The following JPH3 variants were observed in gnomAD, a reference collection of about 807,000 sequenced individuals.
JPH3 encodes the protein junctophilin-3.
In JPH3, 11 loss-of-function variants were observed where a neutral mutation model predicts 59.6. The observed-to-expected ratio is 0.18, with a 90% confidence interval of 0.12 to 0.31. The LOEUF is 0.31. Ranked by LOEUF, JPH3 falls within the 10% of genes least tolerant of loss-of-function variation. The pLI is 1.00. For missense variants in JPH3, 1,202 were observed against 1,105.7 expected, an observed-to-expected ratio of 1.09 and a Z score of -1.24; for synonymous variants, 673 against 483.6, an observed-to-expected ratio of 1.39 and a Z score of -5.14.
chr16:87,682,124 A>T (rs2033311504), intron 2 of JPH3, among the ~76,000 whole-genome samples: 1 of 152,158 alleles, frequency 6.6e-6, no homozygotes, highest in Admixed American at 6.5e-5. Flanking sequence ...TGGCTCTTGG[A>T]GCCCTGGTGG....
At chr16:87,650,273 A>G (rs1445627781) in intron 2 of JPH3, among the ~76,000 whole-genome samples, 2 of 152,186 alleles carry the variant, frequency 1.3e-5, no homozygotes, top group African/African-American at 4.8e-5. Flanking sequence ...TGAGGTTACT[A>G]GTGTGGTTAT....
At chr16:87,680,098 C>T (rs1394171372) in intron 2 of JPH3, among the ~76,000 whole-genome samples, 1 of 152,258 alleles carries the variant, frequency 6.6e-6, no homozygotes, top group Non-Finnish European at 1.5e-5. Flanking sequence ...CTTGCAAAGG[C>T]AGGGTTGCCT....
At chr16:87,641,402 G>C (rs2031946263) in intron 1 of JPH3, among the ~76,000 whole-genome samples, 1 of 152,204 alleles carries the variant, frequency 6.6e-6, no homozygotes, top group African/African-American at 2.4e-5. Context: ...CTTGCCTCCA[G>C]GTTAGCTGCC....
chr16:87,611,353 G>T lies in JPH3; in HGVS notation c.382+7825G>T, dbSNP rs1175194103. On this transcript the variant is annotated intron_variant, in intron 1 of 4. Transcript: ENST00000284262. The surrounding 1 kb of genome is among the most constrained non-coding windows in gnomAD (Gnocchi z 4.5). ...AGGCTTCTGGGGGTAGGCAGTGCCT[G>T]AGTTGAGTCTGGAAGGGCAGTAGGG... 6.6e-6 allele frequency among the ~76,000 whole-genome samples: 1 copy of T among 152,198 alleles called. No individual in the cohort carries two copies. The highest frequency in any genetic ancestry group is 1.9e-4 in the East Asian group (1 of 5,196).
In JPH3 at chr16:87,689,687, G is replaced by T. The variant is rs781042134; in HGVS notation, c.1327G>T (p.Asp443Tyr). ...GCCGAAGCGTCAGACCTCCTGTGACGACATCGAGGTGCTGTCCACCGGGAC... is the reference window on the plus strand; with the variant it reads ...GCCGAAGCGTCAGACCTCCTGTGACTACATCGAGGTGCTGTCCACCGGGAC... ...QRPKRQTSCD[D>Y]IEVLSTGTPL... Residue 443 changes from aspartate (D) to tyrosine (Y), a missense_variant, in exon 4 of 5, where the codon GAC (aspartate) becomes TAC (tyrosine). Physicochemically the swap from Asp to Tyr is radical, Grantham distance 160 (BLOSUM62 -3). Transcript: ENST00000284262. 1.9e-6 allele frequency: 3 copies of T among 1,612,240 alleles called. No individual in the cohort carries two copies. The highest frequency in any genetic ancestry group is 1.3e-5 in the African/African-American group (1 of 74,876).
chr16:87,654,734 C>G (rs12445537), intron 2 of JPH3: 47,105 of 152,130 alleles, frequency 0.31, 7,565 homozygotes, highest in South Asian at 0.43. Flanking sequence ...ACGCAAACCC[C>G]ACACGCTCGC....
intron 1 of JPH3, among the ~76,000 whole-genome samples, chr16:87,643,780 G>A (rs12598207): frequency 0.23 from 34,861 of 152,042 alleles, 4,172 homozygotes; most frequent in East Asian, 0.38. Context: ...AACAGCCACT[G>A]GTGATAGAAG....
chr16:87,614,044 G>A (rs1197684392), intron 1 of JPH3, among the ~76,000 whole-genome samples: 3 of 152,200 alleles, frequency 2.0e-5, no homozygotes, highest in African/African-American at 7.2e-5. Flanking sequence ...GGCCCACCAA[G>A]GGAGGGGCCC....
chr16:87,607,473 C>T (rs1035227625), intron 1 of JPH3, among the ~76,000 whole-genome samples: 1 of 152,250 alleles, frequency 6.6e-6, no homozygotes, highest in Non-Finnish European at 1.5e-5. Flanking sequence ...AAAACACCTG[C>T]CACCCGGAGA....
chr16:87,658,340 C>A (rs187370789), intron 2 of JPH3, among the ~76,000 whole-genome samples: 1 of 152,022 alleles, frequency 6.6e-6, no homozygotes, highest in East Asian at 1.9e-4. Flanking sequence ...TTCTCTGTTT[C>A]CCTCTCTCTC....
intron 2 of JPH3, among the ~76,000 whole-genome samples, chr16:87,649,674 A>G (rs2032267704): frequency 6.6e-6 from 1 of 152,164 alleles, no homozygotes; most frequent in Admixed American, 6.5e-5. Context: ...AAAAGCAGAA[A>G]GCTCTGGTGG....
chr16:87,677,284 G>A (rs1418409459), intron 2 of JPH3, among the ~76,000 whole-genome samples: 1 of 151,472 alleles, frequency 6.6e-6, no homozygotes, highest in African/African-American at 2.4e-5. Context: ...GTGGGAGGCT[G>A]AGGCAGAAGA....
chr16:87,637,330 A>T (rs1398153887), intron 1 of JPH3, among the ~76,000 whole-genome samples: 1 of 151,876 alleles, frequency 6.6e-6, no homozygotes, highest in African/African-American at 2.4e-5. Context: ...GTGAGCAGCC[A>T]TTCCTGCTCC....
chr16:87,631,429 T>A (rs2031562394), intron 1 of JPH3, among the ~76,000 whole-genome samples: 1 of 152,222 alleles, frequency 6.6e-6, no homozygotes, highest in African/African-American at 2.4e-5. Flanking sequence ...CCCACTGACT[T>A]CTAGGTTCAG....
intron 1 of JPH3, among the ~76,000 whole-genome samples, chr16:87,619,003 A>C (rs1190271983): frequency 6.7e-6 from 1 of 150,336 alleles, no homozygotes; most frequent in African/African-American, 2.5e-5. Context: ...CAGGAGAATC[A>C]CTCGAACCTG....
At chr16:87,620,590 G>A (rs1041465362) in intron 1 of JPH3, among the ~76,000 whole-genome samples, 1 of 152,114 alleles carries the variant, frequency 6.6e-6, no homozygotes, top group South Asian at 2.1e-4. Flanking sequence ...TGGGGGGGAC[G>A]TGCGTTGTTC....
At chr16:87,684,090 C>G (rs2150874785) in intron 2 of JPH3, 52 bp from the exon 3 acceptor site, 1 of 1,423,652 alleles carries the variant, frequency 7.0e-7, no homozygotes, top group South Asian at 1.2e-5. Context: ...AACCCAGACC[C>G]CTGTCACCTG....
intron 1 of JPH3, among the ~76,000 whole-genome samples, chr16:87,620,015 C>T (rs1419521303): frequency 1.3e-5 from 2 of 152,160 alleles, no homozygotes; most frequent in African/African-American, 2.4e-5. Flanking sequence ...GGCCCTCACA[C>T]GTCACCCTTG....
In JPH3 at chr16:87,659,374, C is replaced by CGGA. The variant is rs1362136229; in HGVS notation, c.1160+14339_1160+14340insGGA. Reference sequence around the variant, plus strand: ...CCTGGGTGACAGAGTAAGACTGTCTCAAAAAAAAAAAAGAAAAAAAAAAAG... The same window carrying CGGA: ...CCTGGGTGACAGAGTAAGACTGTCTCGGAAAAAAAAAAAAAGAAAAAAAAAAAG... On this transcript the variant is annotated intron_variant, in intron 2 of 4. Transcript: ENST00000284262. Among the ~76,000 whole-genome samples, 100 of 74,530 alleles carry CGGA rather than the reference C, an allele frequency of 1.3e-3. 12 individuals carry two copies. Among genetic ancestry groups the CGGA allele is most frequent in the East Asian group, 3.3e-3 (9 of 2,764 alleles). 48.9% of individuals were successfully genotyped at this position (74,530 alleles called of 152,430 possible).
Sources: allele counts gnomAD v4.1 joint callset (sites outside exome capture counted in the v4.1 genomes callset), GRCh38; gene constraint gnomAD v4.1.1; non-coding constraint Gnocchi (gnomAD v3.1); transcripts MANE v1.5; gene names NCBI Gene and HGNC (gene_info 2026-07-23, HGNC 2026-07-21).